ADAMTSL1: variants seen among roughly 807,000 people sequenced by gnomAD.
The protein encoded by ADAMTSL1 is ADAMTS like 1.
A neutral mutation model predicts 201.8 loss-of-function variants in ADAMTSL1; 126 were observed. The observed-to-expected ratio is 0.62, with a 90% CI of 0.54 to 0.72. The LOEUF (loss-of-function observed/expected upper bound fraction) is 0.72, where lower values mean the gene tolerates loss of function less well. Among genes scored for constraint, ADAMTSL1 ranks in the 30% least tolerant of loss-of-function variants. ADAMTSL1 has a pLI of 0.00. For missense variants in ADAMTSL1, 2,679 were observed against 2,277.8 expected (o/e 1.18, Z -3.59); for synonymous variants, 1,121 against 903.4 (o/e 1.24, Z -4.32).
intron 19 of ADAMTSL1, among the ~76,000 whole-genome samples, chr9:18,788,738 G>C (rs1821854745): frequency 6.6e-6 from 1 of 152,150 alleles, no homozygotes; most frequent in Non-Finnish European, 1.5e-5. Flanking sequence ...TCACCATCTG[G>C]TCCTATAAAT....
chr9:18,438,985 T>C (rs1041688411), intron 2 of ADAMTSL1, among the ~76,000 whole-genome samples: 1 of 145,124 alleles, frequency 6.9e-6, no homozygotes, highest in Non-Finnish European at 1.6e-5. Context: ...GATGGGTTGT[T>C]GACAGGTTTT....
At chr9:18,600,519 T>A (rs1052910464) in intron 4 of ADAMTSL1, among the ~76,000 whole-genome samples, 2 of 152,166 alleles carry the variant, frequency 1.3e-5, no homozygotes, top group Admixed American at 1.3e-4. Flanking sequence ...CCCCTGAGAA[T>A]CTATGACTGG....
chr9:17,946,157 C>T (rs987646232), intron 1 of ADAMTSL1, among the ~76,000 whole-genome samples: 7 of 149,252 alleles, frequency 4.7e-5, no homozygotes, highest in African/African-American at 1.7e-4. Context: ...CCACCATGCC[C>T]AGCTATTTTT....
At chr9:18,868,972 A>C (rs1278449597) in intron 23 of ADAMTSL1, among the ~76,000 whole-genome samples, 1 of 152,244 alleles carries the variant, frequency 6.6e-6, no homozygotes, top group African/African-American at 2.4e-5. Context: ...GGGTATTTGT[A>C]GATGATCAAG....
intron 4 of ADAMTSL1, among the ~76,000 whole-genome samples, chr9:18,578,641 TTAAG>T (rs1171682071): frequency 4.1e-4 from 62 of 152,214 alleles, no homozygotes; most frequent in Non-Finnish European, 1.8e-4. Flanking sequence ...AGAAGGAAGA[TTAAG>T]TAATCAAGTG....
intron 1 of ADAMTSL1, among the ~76,000 whole-genome samples, chr9:17,938,103 A>G (rs118093356): frequency 0.014 from 2,071 of 152,300 alleles, 21 homozygotes; most frequent in South Asian, 0.052. Context: ...TCTTTGTTAA[A>G]GTCCAAATGT....
At chr9:18,411,580 C>T (rs1253335209) in intron 2 of ADAMTSL1, among the ~76,000 whole-genome samples, 1 of 152,124 alleles carries the variant, frequency 6.6e-6, no homozygotes, top group Non-Finnish European at 1.5e-5. Context: ...TATATAATTT[C>T]TAGATTTATT....
chr9:18,283,479 A>G (rs1832870771), intron 2 of ADAMTSL1, among the ~76,000 whole-genome samples: 1 of 151,398 alleles, frequency 6.6e-6, no homozygotes, highest in Non-Finnish European at 1.5e-5. Context: ...GATGGTACAC[A>G]CCTGTAGTCA....
intron 4 of ADAMTSL1, among the ~76,000 whole-genome samples, chr9:18,599,502 T>G (rs1447409873): frequency 2.6e-5 from 4 of 152,206 alleles, no homozygotes; most frequent in Non-Finnish European, 5.9e-5. Context: ...ATTTTTATGC[T>G]CACTTAAAAC....
At chr9:18,214,421 T>C (rs950519208) in intron 2 of ADAMTSL1, among the ~76,000 whole-genome samples, 45 of 152,344 alleles carry the variant, frequency 3.0e-4, no homozygotes, top group African/African-American at 1.0e-3. Flanking sequence ...TGATGTACTT[T>C]GTTTTCTGAA....
intron 2 of ADAMTSL1, among the ~76,000 whole-genome samples, chr9:18,169,272 G>A (rs1312593541): frequency 6.6e-6 from 1 of 151,884 alleles, no homozygotes; most frequent in Admixed American, 6.6e-5. Flanking sequence ...TAACATTTAA[G>A]TCTTTAATCC....
chr9:18,693,346 T>G (rs1831350469), intron 13 of ADAMTSL1, among the ~76,000 whole-genome samples: 1 of 152,178 alleles, frequency 6.6e-6, no homozygotes, highest in Admixed American at 6.5e-5. Flanking sequence ...TAACAACCCA[T>G]CAAGATGAAA....
intron 2 of ADAMTSL1, among the ~76,000 whole-genome samples, chr9:18,225,382 C>G (rs549540924): frequency 3.3e-4 from 51 of 152,246 alleles, no homozygotes; most frequent in African/African-American, 1.2e-3. Context: ...ATTTATATCA[C>G]TATAATATGC....
chr9:18,443,827 C>G (rs1340039), intron 2 of ADAMTSL1, among the ~76,000 whole-genome samples: 1 of 151,624 alleles, frequency 6.6e-6, no homozygotes, highest in African/African-American at 2.4e-5. Flanking sequence ...TGTACATAGA[C>G]TATAATATTG....
At chr9:18,131,502 C>A (rs1361256209) in intron 1 of ADAMTSL1, among the ~76,000 whole-genome samples, 8 of 152,116 alleles carry the variant, frequency 5.3e-5, no homozygotes, top group Admixed American at 5.2e-4. Context: ...TCAGATAATG[C>A]AAGGGTTAAT....
intron 3 of ADAMTSL1, among the ~76,000 whole-genome samples, chr9:18,549,578 A>G (rs1266365454): frequency 6.6e-6 from 1 of 152,030 alleles, no homozygotes; most frequent in African/African-American, 2.4e-5. Flanking sequence ...TGCATGTTAC[A>G]TGGCTTCTCT....
chr9:18,790,426 G>A (rs1463993252), intron 19 of ADAMTSL1, among the ~76,000 whole-genome samples: 1 of 152,192 alleles, frequency 6.6e-6, no homozygotes, highest in Non-Finnish European at 1.5e-5. Context: ...TTGAGCCAAA[G>A]ATCCAGAGGA....
rs1830457881 is a variant in ADAMTSL1 at position 18,908,868 on chromosome 9, G to A, written c.*320G>A. 1 of 253,664 alleles carries A rather than the reference G, an allele frequency of 3.9e-6. No homozygotes were observed. Among genetic ancestry groups the A allele is most frequent in the African/African-American group, 2.3e-5 (1 of 44,054 alleles). 15.7% of individuals were successfully genotyped at this position (253,664 alleles called of 1,614,324 possible). A position where few individuals can be genotyped will look rare whatever the true frequency, so the allele number is the denominator to read the frequency against. Reference sequence around the variant, plus strand: ...CCTGGGTCTCAAAGACCTAGAAAGAGGCAGGCACAGCCCCTGCGGACAGCA... The same window carrying A: ...CCTGGGTCTCAAAGACCTAGAAAGAAGCAGGCACAGCCCCTGCGGACAGCA... On this transcript the variant is annotated 3_prime_UTR_variant, in exon 29 of 29. Transcript: ENST00000380548.
At chr9:18,692,834 A>G (rs1831314398) in intron 13 of ADAMTSL1, among the ~76,000 whole-genome samples, 1 of 152,220 alleles carries the variant, frequency 6.6e-6, no homozygotes, top group African/African-American at 2.4e-5. Flanking sequence ...CTGTGATGGC[A>G]TCTGAGTCCC....
Sources: gnomAD v4.1 joint callset for allele counts (sites outside exome capture counted in the v4.1 genomes callset) on GRCh38, gnomAD v4.1.1 for gene constraint, MANE v1.5 for transcripts, NCBI Gene and HGNC (gene_info 2026-07-23, HGNC 2026-07-21) for gene names.